PACSIN2: variants seen among roughly 807,000 people sequenced by gnomAD.
PACSIN2 encodes the protein protein kinase C and casein kinase substrate in neurons protein 2.
A neutral mutation model predicts 63.8 loss-of-function variants in PACSIN2; 25 were observed. That is an observed-to-expected ratio of 0.39 (90% CI 0.29 to 0.55). The LOEUF is 0.55. Among genes scored for constraint, PACSIN2 ranks in the 20% least tolerant of loss-of-function variants. PACSIN2 has a pLI of 0.62. For synonymous variants in PACSIN2, 255 were observed against 256.2 expected (o/e 1.00, Z 0.05); for missense variants, 518 against 646.9 (o/e 0.80, Z 2.16).
intron 1 of PACSIN2, among the ~76,000 whole-genome samples, chr22:42,995,554 CAG>C (rs765620550): frequency 2.0e-5 from 3 of 152,120 alleles, no homozygotes. Flanking sequence ...GTGGAAAAAC[CAG>C]AGTGTGTATA....
intron 1 of PACSIN2, among the ~76,000 whole-genome samples, chr22:42,939,545 T>G (rs1933056930): frequency 6.6e-6 from 1 of 152,172 alleles, no homozygotes; most frequent in Non-Finnish European, 1.5e-5. Context: ...CCCATTCCAG[T>G]GGAGCCAACC....
intron 1 of PACSIN2, among the ~76,000 whole-genome samples, chr22:42,914,213 T>C (rs1328410170): frequency 6.6e-6 from 1 of 152,118 alleles, no homozygotes; most frequent in African/African-American, 2.4e-5. Context: ...CCACCTGGCC[T>C]GGGCCCTGAT....
intron 2 of PACSIN2, among the ~76,000 whole-genome samples, chr22:42,899,452 C>T (rs1206933847): frequency 6.6e-6 from 1 of 152,068 alleles, no homozygotes; most frequent in African/African-American, 2.4e-5. Context: ...CACAGAGACA[C>T]CTCTGTATGT....
intron 1 of PACSIN2, among the ~76,000 whole-genome samples, chr22:43,008,082 T>C (rs1480392012): frequency 6.6e-6 from 1 of 152,262 alleles, no homozygotes; most frequent in Non-Finnish European, 1.5e-5. Context: ...CCACATTGAG[T>C]GATGCCTGCT....
chr22:42,912,532 C>T (rs1013816125), intron 1 of PACSIN2, among the ~76,000 whole-genome samples: 1 of 152,196 alleles, frequency 6.6e-6, no homozygotes, highest in Admixed American at 6.5e-5. Flanking sequence ...TACCACATTC[C>T]ACTTGTGTGA....
chr22:42,882,095 G>C (rs1431289617), intron 7 of PACSIN2, 89 bp downstream of exon 7: 1 of 1,451,776 alleles, frequency 6.9e-7, no homozygotes, highest in Non-Finnish European at 9.6e-7. Context: ...CTAACATAGA[G>C]TCTAGAATGA....
chr22:42,880,314 C>A (rs1247206771), intron 7 of PACSIN2, among the ~76,000 whole-genome samples: 2 of 152,230 alleles, frequency 1.3e-5, no homozygotes, highest in Non-Finnish European at 2.9e-5. Context: ...TCTGGGTCAC[C>A]TTTTCATCTA....
chr22:42,877,293 G>A (rs1928716337), intron 8 of PACSIN2, among the ~76,000 whole-genome samples: 1 of 152,164 alleles, frequency 6.6e-6, no homozygotes, highest in Non-Finnish European at 1.5e-5. Flanking sequence ...AGGGGCGGGT[G>A]ACAAGCCACA....
At chr22:42,976,115 A>G (rs1921686493) in intron 1 of PACSIN2, among the ~76,000 whole-genome samples, 1 of 152,202 alleles carries the variant, frequency 6.6e-6, no homozygotes, top group African/African-American at 2.4e-5. Context: ...TAGGAGAGGA[A>G]AAGGGGGCTA....
intron 1 of PACSIN2, among the ~76,000 whole-genome samples, chr22:43,002,028 T>C (rs934495927): frequency 2.0e-5 from 3 of 152,066 alleles, no homozygotes; most frequent in Admixed American, 1.3e-4. Flanking sequence ...GGAGGGGACA[T>C]GGTGACAAGT....
chr22:42,965,596 AAAGT>A (rs1403500805), intron 1 of PACSIN2, among the ~76,000 whole-genome samples: 3 of 152,344 alleles, frequency 2.0e-5, no homozygotes, highest in South Asian at 4.1e-4. Flanking sequence ...TCAAAAGATT[AAAGT>A]AAGTTCTGTG....
intron 1 of PACSIN2, among the ~76,000 whole-genome samples, chr22:42,930,883 G>C (rs908405098): frequency 6.6e-6 from 1 of 152,246 alleles, no homozygotes; most frequent in Admixed American, 6.5e-5. Context: ...TGAGCCACCA[G>C]GCTGTGCTGC....
At chr22:42,983,171 G>C (rs987340316) in intron 1 of PACSIN2, among the ~76,000 whole-genome samples, 1 of 151,944 alleles carries the variant, frequency 6.6e-6, no homozygotes, top group African/African-American at 2.4e-5. Flanking sequence ...ACAAAAATTA[G>C]CCGGCTGTGG....
At chr22:42,925,012 G>A (rs1932446397) in intron 1 of PACSIN2, among the ~76,000 whole-genome samples, 1 of 151,648 alleles carries the variant, frequency 6.6e-6, no homozygotes, top group African/African-American at 2.4e-5. Context: ...CCAAAGTGCT[G>A]GGATCACAGG....
In PACSIN2 at chr22:43,007,031, A is replaced by C. The variant is rs181681173; in HGVS notation, c.-78+7990T>G. ...ACCTTTGTGAAATTGAGTCACCTGA[A>C]TCACCCCTCCCCCATCTGCATCCCT... On this transcript the variant is annotated intron_variant, in intron 1 of 10. Transcript: ENST00000263246. 3.1e-3 allele frequency among the ~76,000 whole-genome samples: 469 copies of C among 152,092 alleles called. 3 individuals carry two copies. The highest frequency in any genetic ancestry group is 0.011 in the African/African-American group (462 of 41,470).
In PACSIN2 at chr22:42,891,094, G is replaced by T; in HGVS notation, c.306C>A (p.Ala102=). ...RVSELHLEVK[A]SLMNDDFEKI... Reference sequence around the variant, plus strand: ...TCTCGAAGTCATCGTTCATCAGTGAGGCCTTCACCTCGAGGTGCAGCTCGC... The same window carrying T: ...TCTCGAAGTCATCGTTCATCAGTGATGCCTTCACCTCGAGGTGCAGCTCGC... The change falls in exon 4 of 11, where the codon GCC becomes GCA. Residue 102 remains alanine (A), a synonymous_variant. Transcript: ENST00000263246. 6.2e-7 allele frequency: 1 copy of T among 1,614,056 alleles called. No homozygotes were observed. The highest frequency in any genetic ancestry group is 8.5e-7 in the Non-Finnish European group (1 of 1,179,984).
chr22:42,921,337 C>T (rs377059477), intron 1 of PACSIN2, among the ~76,000 whole-genome samples: 22 of 147,898 alleles, frequency 1.5e-4, no homozygotes, highest in Non-Finnish European at 3.1e-4. Flanking sequence ...CCACCCTGGG[C>T]GACAGTGTGA....
intron 5 of PACSIN2, among the ~76,000 whole-genome samples, chr22:42,887,013 C>T (rs1380658809): frequency 6.6e-6 from 1 of 152,218 alleles, no homozygotes; most frequent in Non-Finnish European, 1.5e-5. Flanking sequence ...CCCCATCTTT[C>T]CTCTAGGCAC....
At chr22:43,008,021 T>C (rs1401069729) in intron 1 of PACSIN2, among the ~76,000 whole-genome samples, 1 of 152,170 alleles carries the variant, frequency 6.6e-6, no homozygotes, top group East Asian at 1.9e-4. Context: ...CTATCAATAG[T>C]CACATCACAC....
Sources: allele counts gnomAD v4.1 joint callset (sites outside exome capture counted in the v4.1 genomes callset), GRCh38; gene constraint gnomAD v4.1.1; transcripts MANE v1.5; gene names NCBI Gene and HGNC (gene_info 2026-07-23, HGNC 2026-07-21).